Variants in ZFHX3 observed in about 807,000 individuals in gnomAD.
ZFHX3 encodes zinc finger homeobox protein 3.
A neutral mutation model predicts 279.1 loss-of-function variants in ZFHX3; 42 were observed. That is an observed-to-expected ratio of 0.15 (90% CI 0.12 to 0.19). ZFHX3 has a LOEUF of 0.19. ZFHX3 is among the 10% of genes least tolerant of loss of function. The probability of loss-of-function intolerance (pLI) is 1.00; values close to 1 mark genes in which losing one functional copy is unlikely to be tolerated. For missense variants in ZFHX3, 4,981 were observed against 4,754.0 expected, an observed-to-expected ratio of 1.05 and a Z score of -1.40; for synonymous variants, 2,293 against 1,957.8, an observed-to-expected ratio of 1.17 and a Z score of -4.52.
At position 73,512,709 on chromosome 16, in the gene ZFHX3, G is replaced by A. The variant is rs538173129; in HGVS notation, c.-1546-56451C>T. Among the ~76,000 whole-genome samples the A allele has an allele frequency of 6.8e-4, 103 of 152,284 alleles. 1 individual carries two copies. The highest frequency in any genetic ancestry group is 3.4e-3 in the Middle Eastern group (1 of 294). On this transcript the variant is annotated intron_variant, in intron 2 of 17. Coordinates refer to the ZFHX3 transcript ENST00000641206. Reference sequence around the variant, plus strand: ...GGCTAGATCTTAAAAGCTTGGCCACGGCAATGGTCTGTAGTAAACAGGCAA... The same window carrying A: ...GGCTAGATCTTAAAAGCTTGGCCACAGCAATGGTCTGTAGTAAACAGGCAA...
intron 1 of ZFHX3, among the ~76,000 whole-genome samples, chr16:73,885,397 C>G (rs1230922340): frequency 6.6e-6 from 1 of 152,138 alleles, no homozygotes; most frequent in Non-Finnish European, 1.5e-5. Context: ...CAAAAACTAG[C>G]TGCGCTGTGG....
intron 3 of ZFHX3, among the ~76,000 whole-genome samples, chr16:73,340,391 C>T (rs1386651979): frequency 6.6e-6 from 1 of 152,230 alleles, no homozygotes; most frequent in Non-Finnish European, 1.5e-5. Context: ...ACAGGTCTTG[C>T]TCTGTCACCC....
At chr16:72,893,965 C>T (rs2038833036) in intron 3 of ZFHX3, among the ~76,000 whole-genome samples, 1 of 152,040 alleles carries the variant, frequency 6.6e-6, no homozygotes, top group Admixed American at 6.5e-5. Flanking sequence ...GCCTGGCCAA[C>T]ATGATGAAAC....
chr16:72,872,945 T>C (rs1272398347), intron 4 of ZFHX3, among the ~76,000 whole-genome samples: 2 of 152,078 alleles, frequency 1.3e-5, no homozygotes, highest in African/African-American at 4.8e-5. Context: ...CCGACCAGAG[T>C]CCTGAACTCC....
At chr16:73,458,350 C>CTCCT (rs2018411648) in intron 2 of ZFHX3, among the ~76,000 whole-genome samples, 1 of 145,172 alleles carries the variant, frequency 6.9e-6, no homozygotes, top group Non-Finnish European at 1.5e-5. Flanking sequence ...TCCTCCCTCC[C>CTCCT]TTCCTCCTTT....
intron 1 of ZFHX3, among the ~76,000 whole-genome samples, chr16:73,690,191 A>G (rs772302193): frequency 2.0e-5 from 3 of 152,190 alleles, no homozygotes; most frequent in African/African-American, 7.2e-5. Context: ...TGCTGGGATT[A>G]CACGTGGACA....
intron 5 of ZFHX3, among the ~76,000 whole-genome samples, chr16:73,179,958 C>T (rs373110831): frequency 9.9e-5 from 15 of 152,076 alleles, no homozygotes; most frequent in East Asian, 5.8e-4. Context: ...AGCTCGGGCA[C>T]AATGAGGGGA....
intron 2 of ZFHX3, among the ~76,000 whole-genome samples, chr16:73,552,725 C>G (rs887802957): frequency 2.6e-5 from 3 of 117,520 alleles, no homozygotes; most frequent in Non-Finnish European, 5.4e-5. Context: ...GCATTTTGTT[C>G]AGTAGCAAAA....
chr16:73,844,227 A>T lies in ZFHX3; in HGVS notation c.-1608+47424T>A, dbSNP rs936621717. ...AATGAACAAACCATAAAAAGAAAAG[A>T]GGTACAAAATGCAGTGAAATGTATG... On this transcript the variant is annotated intron_variant, in intron 1 of 17. Coordinates refer to the ZFHX3 transcript ENST00000641206. Among the ~76,000 whole-genome samples, 4 of 152,220 alleles carry T rather than the reference A, an allele frequency of 2.6e-5. No homozygotes were observed. In the South Asian group the frequency reaches 6.2e-4, roughly 24 times the overall value.
intron 1 of ZFHX3, among the ~76,000 whole-genome samples, chr16:73,787,711 G>A (rs423206): frequency 6.6e-6 from 1 of 152,154 alleles, no homozygotes; most frequent in African/African-American, 2.4e-5. Flanking sequence ...ATCTGGCATA[G>A]GAATCATAAG....
chr16:72,824,331 T>A (rs2036879102), intron 5 of ZFHX3, among the ~76,000 whole-genome samples: 1 of 152,226 alleles, frequency 6.6e-6, no homozygotes, highest in African/African-American at 2.4e-5. Context: ...CTTCTATAGA[T>A]TCAAATCAGG....
Position 73,533,932 on chromosome 16 carries a change from G to A in ZFHX3, c.-1546-77674C>T, listed in dbSNP as rs368318533. ...TAACAGCATTTCTCACCTAGATCATGGCAATAGCCCTTGATCTGCCCTTGC... is the reference window on the plus strand; with the variant it reads ...TAACAGCATTTCTCACCTAGATCATAGCAATAGCCCTTGATCTGCCCTTGC... On this transcript the variant is annotated intron_variant, in intron 2 of 17. Coordinates refer to the ZFHX3 transcript ENST00000641206. Among the ~76,000 whole-genome samples, 281 of 152,196 alleles carry A rather than the reference G, an allele frequency of 1.8e-3. 2 individuals are homozygous for A. Among genetic ancestry groups the A allele is most frequent in the African/African-American group, 4.8e-3 (199 of 41,514 alleles).
rs1239394491 is a variant in ZFHX3, at chr16:73,038,741, T to C, written c.-50+9011A>G. On this transcript the variant is annotated intron_variant, in intron 1 of 9. Coordinates refer to ENST00000268489, the MANE Select transcript of ZFHX3 (RefSeq NM_006885.4). ...GTGCAAATGTTACCACCTCAAGTGCTAGCACATTACCATGCTCTAAAAGGA... is the reference window on the plus strand; with the variant it reads ...GTGCAAATGTTACCACCTCAAGTGCCAGCACATTACCATGCTCTAAAAGGA... Among the ~76,000 whole-genome samples, 3 of 152,008 alleles carry C rather than the reference T, an allele frequency of 2.0e-5. No individual in the cohort carries two copies. The East Asian group carries it at 5.8e-4, about 29-fold the overall frequency.
intron 2 of ZFHX3, among the ~76,000 whole-genome samples, chr16:73,573,093 G>A (rs897211303): frequency 2.6e-5 from 4 of 152,144 alleles, no homozygotes; most frequent in African/African-American, 9.7e-5. Context: ...ACACACCTGA[G>A]CCCAAGATAA....
chr16:73,033,796 G>A (rs559888214), intron 1 of ZFHX3, among the ~76,000 whole-genome samples: 23 of 152,290 alleles, frequency 1.5e-4, no homozygotes, highest in Admixed American at 6.5e-4. Flanking sequence ...GCCTCAAATC[G>A]TAGGAGGCTG....
At chr16:73,058,080 G>A (rs1373302905) in intron 1 of ZFHX3, among the ~76,000 whole-genome samples, 1 of 136,980 alleles carries the variant, frequency 7.3e-6, no homozygotes, top group Non-Finnish European at 1.6e-5. Context: ...CTGGTACCCC[G>A]GCCGCCCTCC....
intron 2 of ZFHX3, among the ~76,000 whole-genome samples, chr16:73,496,427 A>T (rs1296696173): frequency 6.6e-6 from 1 of 152,186 alleles, no homozygotes; most frequent in Non-Finnish European, 1.5e-5. Context: ...GCTACTCTGG[A>T]GGCTGGGGCA....
intron 3 of ZFHX3, among the ~76,000 whole-genome samples, chr16:72,948,788 G>C (rs1960832650): frequency 6.6e-6 from 1 of 152,126 alleles, no homozygotes. Flanking sequence ...TACTCAGTTG[G>C]GTCCTTTGGA....
At chr16:73,038,679 C>A (rs1272804522) in intron 1 of ZFHX3, among the ~76,000 whole-genome samples, 2 of 119,564 alleles carry the variant, frequency 1.7e-5, no homozygotes, top group African/African-American at 3.0e-5. Context: ...AGCTTGTACT[C>A]TCTCTCTCTC....
Sources: allele counts gnomAD v4.1 joint callset (sites outside exome capture counted in the v4.1 genomes callset), GRCh38; gene constraint gnomAD v4.1.1; transcripts MANE v1.5; gene names NCBI Gene and HGNC (gene_info 2026-07-23, HGNC 2026-07-21).